The following XPR1 variants were observed in gnomAD, a reference collection of about 807,000 sequenced individuals.
XPR1 encodes the protein xenotropic and polytropic retrovirus receptor 1.
Under a neutral mutation model 87.5 loss-of-function variants are expected in XPR1, and 28 were observed. The observed-to-expected ratio is 0.32, with a 90% CI of 0.24 to 0.44. The LOEUF is 0.44. XPR1 is among the 20% of genes least tolerant of loss of function. The probability of loss-of-function intolerance (pLI) is 1.00; values close to 1 mark genes in which losing one functional copy is unlikely to be tolerated. For synonymous variants in XPR1, 300 were observed against 306.1 expected (o/e 0.98, Z 0.21); for missense variants, 559 against 862.3 (o/e 0.65, Z 4.41).
intron 2 of XPR1, among the ~76,000 whole-genome samples, chr1:180,748,357 C>T (rs1205868748): frequency 7.0e-6 from 1 of 143,524 alleles, no homozygotes; most frequent in Non-Finnish European, 1.5e-5. Flanking sequence ...ATGCTCAAAA[C>T]TCATCACTTA....
Position 180,886,525 on chromosome 1 carries a change from C to G in XPR1, c.*2459C>G, listed in dbSNP as rs570362162. On this transcript the variant is annotated 3_prime_UTR_variant, in exon 15 of 15. Transcript: ENST00000367590. ...GTTCTAGGCCCTAATCGGTCTTATT[C>G]TTTCACATATGATGCAATGATAGAT... 5 of 152,296 alleles carry G rather than the reference C, an allele frequency of 3.3e-5. No individual in the cohort carries two copies. The South Asian group carries it at 1.0e-3, about 32-fold the overall frequency. The allele number at this position is 152,296 out of a possible 1,614,324, so 9.4% of individuals were successfully genotyped here. A position where few individuals can be genotyped will look rare whatever the true frequency, so the allele number is the denominator to read the frequency against.
At chr1:180,859,468 A>G (rs1219574853) in intron 11 of XPR1, among the ~76,000 whole-genome samples, 1 of 152,176 alleles carries the variant, frequency 6.6e-6, no homozygotes, top group East Asian at 1.9e-4. Context: ...AGGGTTAGCC[A>G]AGAGAGAATA....
intron 6 of XPR1, among the ~76,000 whole-genome samples, chr1:180,808,041 C>T (rs1242560266): frequency 6.6e-6 from 1 of 151,896 alleles, no homozygotes; most frequent in East Asian, 1.9e-4. Context: ...CTAGAATAGC[C>T]AAAGCAACTT....
At chr1:180,855,133 T>C (rs984969645) in intron 11 of XPR1, among the ~76,000 whole-genome samples, 34 of 152,218 alleles carry the variant, frequency 2.2e-4, no homozygotes, top group African/African-American at 7.9e-4. Flanking sequence ...AAGACAAATA[T>C]ATATTCAATT....
chr1:180,650,623 C>G (rs1029593419), intron 1 of XPR1, among the ~76,000 whole-genome samples: 1 of 152,120 alleles, frequency 6.6e-6, no homozygotes, highest in Non-Finnish European at 1.5e-5. Flanking sequence ...ATTGATACCT[C>G]TAGTAACAAG....
chr1:180,682,494 A>G (rs1656610982), intron 2 of XPR1, 83 bp downstream of exon 2: 4 of 1,028,644 alleles, frequency 3.9e-6, no homozygotes, highest in Non-Finnish European at 5.5e-6. Flanking sequence ...TATAAAACTA[A>G]TATGATAACC....
At chr1:180,709,450 C>T (rs983960696) in intron 2 of XPR1, among the ~76,000 whole-genome samples, 1 of 152,098 alleles carries the variant, frequency 6.6e-6, no homozygotes, top group East Asian at 1.9e-4. Context: ...CTCTGCTTCC[C>T]ACCGCATCTC....
At chr1:180,696,528 G>T (rs542525330) in intron 2 of XPR1, among the ~76,000 whole-genome samples, 8 of 151,872 alleles carry the variant, frequency 5.3e-5, no homozygotes, top group Non-Finnish European at 1.2e-4. Flanking sequence ...GTGAAAGTGG[G>T]CAAGAATGGT....
intron 2 of XPR1, among the ~76,000 whole-genome samples, chr1:180,762,886 T>C (rs937137531): frequency 7.4e-6 from 1 of 135,132 alleles, no homozygotes; most frequent in African/African-American, 2.5e-5. Context: ...CTTGCATCTT[T>C]ACACTTTTTT....
In XPR1 at chr1:180,739,198, G is replaced by T. The variant is rs566740288; in HGVS notation, c.122-48555G>T. On this transcript the variant is annotated intron_variant, in intron 2 of 14. Coordinates refer to ENST00000367590, the MANE Select transcript of XPR1 (RefSeq NM_004736.4). Reference sequence around the variant, plus strand: ...AAATCAATTTACCGTATTTGTTTGGGTCTATTTCTGGACTGTCTATTCTGT... The same window carrying T: ...AAATCAATTTACCGTATTTGTTTGGTTCTATTTCTGGACTGTCTATTCTGT... Among the ~76,000 whole-genome samples, 14 of 152,186 alleles carry T rather than the reference G, an allele frequency of 9.2e-5. No individual in the cohort carries two copies. In the South Asian group the frequency reaches 2.9e-3, roughly 32 times the overall value.
At chr1:180,861,876 C>G (rs997304266) in intron 11 of XPR1, among the ~76,000 whole-genome samples, 1 of 151,976 alleles carries the variant, frequency 6.6e-6, no homozygotes, top group African/African-American at 2.4e-5. Context: ...GATGATAACA[C>G]TGAATGTGGA....
chr1:180,727,830 T>G (rs748735754), intron 2 of XPR1, among the ~76,000 whole-genome samples: 15 of 152,190 alleles, frequency 9.9e-5, no homozygotes, highest in Admixed American at 8.5e-4. Context: ...TAAGGTAACT[T>G]CTTGATGTTT....
At chr1:180,880,809 AT>A (rs1403988614) in intron 14 of XPR1, among the ~76,000 whole-genome samples, 2 of 148,262 alleles carry the variant, frequency 1.3e-5, no homozygotes, top group Non-Finnish European at 3.0e-5. Flanking sequence ...AACTATTACT[AT>A]TTTTATCTTC....
intron 1 of XPR1, among the ~76,000 whole-genome samples, chr1:180,662,512 G>C (rs1207283539): frequency 2.0e-5 from 3 of 152,078 alleles, no homozygotes; most frequent in Non-Finnish European, 4.4e-5. Flanking sequence ...GAGCTCCATT[G>C]TATGTTATTT....
At chr1:180,879,416 G>A (rs1043479870) in intron 13 of XPR1, among the ~76,000 whole-genome samples, 9 of 152,144 alleles carry the variant, frequency 5.9e-5, no homozygotes, top group Admixed American at 5.2e-4. Context: ...CTCTGTGGGT[G>A]GGCCCTCTTC....
chr1:180,664,975 T>C (rs1400019505), intron 1 of XPR1, among the ~76,000 whole-genome samples: 1 of 152,170 alleles, frequency 6.6e-6, no homozygotes, highest in Admixed American at 6.5e-5. Flanking sequence ...GAGGTGGAGC[T>C]CAGGCAGTAA....
At chr1:180,769,173 A>G (rs1648403610) in intron 2 of XPR1, among the ~76,000 whole-genome samples, 1 of 152,114 alleles carries the variant, frequency 6.6e-6, no homozygotes. Flanking sequence ...AGATGCTTTC[A>G]TACAGGGATG....
At chr1:180,827,153 CAA>C (rs11324246) in intron 9 of XPR1, among the ~76,000 whole-genome samples, 398 of 66,868 alleles carry the variant, frequency 6.0e-3, no homozygotes, top group African/African-American at 0.019. Context: ...GACTCCTTCT[CAA>C]AAAAAAAAAA....
At chr1:180,647,515 C>G (rs529601681) in intron 1 of XPR1, among the ~76,000 whole-genome samples, 17 of 152,178 alleles carry the variant, frequency 1.1e-4, no homozygotes, top group Non-Finnish European at 1.9e-4. Flanking sequence ...AGGCACTTGA[C>G]TACTGTAGGT....
Sources: gnomAD v4.1 joint callset for allele counts (sites outside exome capture counted in the v4.1 genomes callset) on GRCh38, gnomAD v4.1.1 for gene constraint, MANE v1.5 for transcripts, NCBI Gene and HGNC (gene_info 2026-07-23, HGNC 2026-07-21) for gene names.